The following MYH16 variants were observed in gnomAD, a reference collection of about 807,000 sequenced individuals.
The protein encoded by MYH16 is putative uncharacterized protein MYH16.
intron 21 of MYH16, among the ~76,000 whole-genome samples, chr7:99,277,937 GAC>G (rs60204331): frequency 0.097 from 11,235 of 116,058 alleles, 932 homozygotes; most frequent in African/African-American, 0.26. Context: ...GAGAGAGAGA[GAC>G]AGACAGACAG....
At chr7:99,239,514 G>A (rs1161754998) in intron 1 of MYH16, among the ~76,000 whole-genome samples, 2 of 152,160 alleles carry the variant, frequency 1.3e-5, no homozygotes, top group Non-Finnish European at 1.5e-5. Flanking sequence ...TGGTTCCCAG[G>A]TCTCTTGGAG....
At chr7:99,277,071 G>A (rs1323956091) in intron 20 of MYH16, among the ~76,000 whole-genome samples, 1 of 148,840 alleles carries the variant, frequency 6.7e-6, no homozygotes, top group African/African-American at 2.6e-5. Context: ...GAGAGAGAGA[G>A]AGAAACAGTG....
intron 34 of MYH16, 66 bp from the exon 16 acceptor site, chr7:99,297,594 A>G (rs1327205733): frequency 2.4e-6 from 1 of 421,146 alleles, no homozygotes; most frequent in African/African-American, 2.0e-5. Flanking sequence ...CAATGGAGGA[A>G]TGACGGTGCC....
intron 18 of MYH16, among the ~76,000 whole-genome samples, chr7:99,267,876 TTGCAGTC>T (rs2150814206): frequency 6.6e-6 from 1 of 152,290 alleles, no homozygotes; most frequent in Admixed American, 6.5e-5. Context: ...TTCACAGGCT[TTGCAGTC>T]AGGAGAGTCA....
intron 6 of MYH16, among the ~76,000 whole-genome samples, chr7:99,251,360 G>A (rs867632448): frequency 2.4e-4 from 37 of 152,260 alleles, no homozygotes; most frequent in South Asian, 4.1e-4. Context: ...AATTGGCAAC[G>A]AGGAAAAACT....
chr7:99,264,964 G>A (rs1033274774), intron 15 of MYH16: 1 of 152,584 alleles, frequency 6.6e-6, no homozygotes, highest in Non-Finnish European at 1.5e-5. Flanking sequence ...TGCCCAATAC[G>A]GTAGCCGCTA....
chr7:99,243,910 CATCCATCCATCCAAGTATCT>C (rs1265050266), intron 2 of MYH16, among the ~76,000 whole-genome samples: 1 of 151,772 alleles, frequency 6.6e-6, no homozygotes, highest in Non-Finnish European at 1.5e-5. Context: ...TCCAAACATC[CATCCATCCATCCAAGTATCT>C]ATCCATCCAT....
chr7:99,263,115 G>T (rs866675912), intron 13 of MYH16, among the ~76,000 whole-genome samples: 13 of 152,212 alleles, frequency 8.5e-5, no homozygotes, highest in African/African-American at 2.9e-4. Context: ...AAATGCCCAA[G>T]AAGGCAGATG....
intron 4 of MYH16, among the ~76,000 whole-genome samples, chr7:99,249,386 A>C (rs1052059485): frequency 4.6e-5 from 7 of 151,354 alleles, no homozygotes; most frequent in Non-Finnish European, 8.8e-5. Context: ...ATCTCTACAA[A>C]AAATTAGCCA....
chr7:99,283,915 G>A (rs1200195123), exon 25 of MYH16: 1 of 456,442 alleles, frequency 2.2e-6, no homozygotes, highest in East Asian at 7.0e-5. Context: ...CCGGGCGGAG[G>A]TGGAAAAGGC....
intron 32 of MYH16, among the ~76,000 whole-genome samples, chr7:99,293,277 G>A (rs771027446): frequency 3.9e-5 from 6 of 152,134 alleles, no homozygotes; most frequent in South Asian, 2.1e-4. Flanking sequence ...AAGTGTTTCC[G>A]GGATCCCAGC....
intron 19 of MYH16, among the ~76,000 whole-genome samples, chr7:99,272,384 C>A (rs1357632731): frequency 6.6e-6 from 1 of 152,124 alleles, no homozygotes; most frequent in African/African-American, 2.4e-5. Flanking sequence ...AATTCTCACT[C>A]CACATCCCTG....
intron 37 of MYH16, among the ~76,000 whole-genome samples, chr7:99,301,143 C>G (rs1792587859): frequency 7.4e-6 from 1 of 135,908 alleles, no homozygotes; most frequent in African/African-American, 2.7e-5. Flanking sequence ...TGTAGTGGAG[C>G]TGAGATCATG....
chr7:99,259,053 C>T (rs985010943), intron 11 of MYH16, among the ~76,000 whole-genome samples: 1 of 152,106 alleles, frequency 6.6e-6, no homozygotes, highest in African/African-American at 2.4e-5. Context: ...ACCATCAGAT[C>T]TCCTGTGAAC....
chr7:99,268,410 T>G (rs1389896857), intron 18 of MYH16, among the ~76,000 whole-genome samples: 1 of 152,202 alleles, frequency 6.6e-6, no homozygotes, highest in Non-Finnish European at 1.5e-5. Context: ...ACAGAGCTAG[T>G]CGGCATAAGG....
intron 32 of MYH16, among the ~76,000 whole-genome samples, chr7:99,293,534 C>G (rs1232621454): frequency 6.6e-6 from 1 of 152,180 alleles, no homozygotes; most frequent in Non-Finnish European, 1.5e-5. Context: ...CTGCCCCAGA[C>G]ACCCTCAGGG....
exon 20 of MYH16, chr7:99,273,375 C>G (rs1187196256): frequency 2.2e-6 from 1 of 456,734 alleles, no homozygotes; most frequent in Non-Finnish European, 4.4e-6. Flanking sequence ...AGAACGTGCA[C>G]AAGTTCCTGC....
chr7:99,268,125 A>C (rs1331783702), intron 18 of MYH16, among the ~76,000 whole-genome samples: 1 of 152,164 alleles, frequency 6.6e-6, no homozygotes, highest in African/African-American at 2.4e-5. Flanking sequence ...TTGCTTTATA[A>C]TACTCTGTGT....
intron 36 of MYH16, 123 bp from the exon 18 acceptor site, chr7:99,299,339 GGTTT>G (rs1308848326): frequency 1.3e-5 from 2 of 152,122 alleles, no homozygotes; most frequent in East Asian, 3.9e-4. Flanking sequence ...CCTTTTTAAG[GGTTT>G]GTTTAATTTC....
Sources: allele counts gnomAD v4.1 joint callset (sites outside exome capture counted in the v4.1 genomes callset), GRCh38; gene constraint gnomAD v4.1.1; transcripts MANE v1.5; gene names NCBI Gene and HGNC (gene_info 2026-07-23, HGNC 2026-07-21).